The following TUSC3 variants were observed in gnomAD, a reference collection of about 807,000 sequenced individuals.
The protein encoded by TUSC3 is tumor suppressor candidate 3.
In TUSC3, 45 loss-of-function variants were observed where a neutral mutation model predicts 44.8. The ratio of observed to expected loss-of-function variants is 1.00; its 90% CI spans 0.79 to 1.29. The LOEUF is 1.29. Ranked by LOEUF, TUSC3 falls within the 50% of genes most tolerant of loss-of-function variation. The pLI, the probability that TUSC3 is intolerant of heterozygous loss-of-function variation, is 0.00. For missense variants in TUSC3, 519 were observed against 437.9 expected (o/e 1.19, Z -1.65); for synonymous variants, 212 against 152.9 (o/e 1.39, Z -2.85).
intron 2 of TUSC3, among the ~76,000 whole-genome samples, chr8:15,630,837 A>C (rs943510181): frequency 5.3e-5 from 8 of 152,182 alleles, no homozygotes; most frequent in Non-Finnish European, 1.0e-4. Flanking sequence ...AATCACGTGG[A>C]AAAGAGCCTA....
chr8:15,759,163 T>A (rs1011881966), intron 10 of TUSC3, among the ~76,000 whole-genome samples: 2 of 152,190 alleles, frequency 1.3e-5, no homozygotes, highest in Non-Finnish European at 2.9e-5. Context: ...ATTCAACCAC[T>A]GGCCTATCTG....
upstream of TUSC3, among the ~76,000 whole-genome samples, chr8:15,539,326 A>G (rs1300968760): frequency 2.7e-5 from 4 of 145,848 alleles, no homozygotes; most frequent in Non-Finnish European, 4.5e-5. Context: ...CGTTCAACAT[A>G]CAGTCTGCTG....
chr8:15,745,409 A>G (rs1389202159), intron 8 of TUSC3, among the ~76,000 whole-genome samples: 1 of 151,988 alleles, frequency 6.6e-6, no homozygotes, highest in Non-Finnish European at 1.5e-5. Context: ...AGCTGCTCTA[A>G]TTTACATTCC....
chr8:15,753,765 T>C (rs565978689), intron 9 of TUSC3, among the ~76,000 whole-genome samples: 2 of 152,098 alleles, frequency 1.3e-5, no homozygotes, highest in South Asian at 2.1e-4. Flanking sequence ...TGCAGAGATA[T>C]ATAGCAGAGA....
intron 2 of TUSC3, among the ~76,000 whole-genome samples, chr8:15,531,007 G>C (rs569950211): frequency 1.4e-4 from 21 of 152,262 alleles, no homozygotes; most frequent in African/African-American, 5.1e-4. Context: ...GAAAAGGGAA[G>C]AAAGCCTCAG....
intron 1 of TUSC3, among the ~76,000 whole-genome samples, chr8:15,572,737 C>G (rs1802925275): frequency 6.6e-6 from 1 of 151,992 alleles, no homozygotes; most frequent in Non-Finnish European, 1.5e-5. Context: ...ATTCATTGGC[C>G]TAATTTCAAT....
the TUSC3 span, among the ~76,000 whole-genome samples, chr8:15,827,303 G>T: frequency 6.6e-6 from 1 of 152,144 alleles, no homozygotes; most frequent in Non-Finnish European, 1.5e-5. Context: ...GAGCAGTAAC[G>T]GCTGAAGACA....
At chr8:15,828,796 A>C in the TUSC3 span, among the ~76,000 whole-genome samples, 2 of 152,336 alleles carry the variant, frequency 1.3e-5, no homozygotes, top group Admixed American at 1.3e-4. Context: ...GCTATCTAAC[A>C]AACTCTCTAA....
At chr8:15,466,491 AT>A (rs1328044900) in intron 1 of TUSC3, among the ~76,000 whole-genome samples, 2 of 152,170 alleles carry the variant, frequency 1.3e-5, no homozygotes, top group Non-Finnish European at 2.9e-5. Context: ...AAAATTAGAA[AT>A]AGTTCTTAGC....
intron 1 of TUSC3, among the ~76,000 whole-genome samples, chr8:15,471,801 A>G (rs1800497470): frequency 6.6e-6 from 1 of 152,026 alleles, no homozygotes; most frequent in Non-Finnish European, 1.5e-5. Context: ...TATTTTAAGT[A>G]GAGACAGGGT....
chr8:15,463,990 G>A (rs1800382751), intron 1 of TUSC3, among the ~76,000 whole-genome samples: 1 of 152,074 alleles, frequency 6.6e-6, no homozygotes, highest in Non-Finnish European at 1.5e-5. Context: ...AGAAACTTTT[G>A]GACTTAGGAA....
intron 2 of TUSC3, among the ~76,000 whole-genome samples, chr8:15,495,272 A>C (rs769521775): frequency 7.2e-5 from 11 of 152,266 alleles, no homozygotes; most frequent in Admixed American, 2.0e-4. Flanking sequence ...TCTTGGCTGG[A>C]GTAGAAAGGA....
chr8:15,473,234 T>G (rs1800520180), intron 1 of TUSC3, among the ~76,000 whole-genome samples: 1 of 152,224 alleles, frequency 6.6e-6, no homozygotes, highest in Non-Finnish European at 1.5e-5. Flanking sequence ...TTTGCAAGCT[T>G]TCTAGCATAA....
Position 15,717,174 on chromosome 8 carries a change from A to C in TUSC3, c.799-13492A>C, listed in dbSNP as rs181011561. Among the ~76,000 whole-genome samples, 26 of 152,286 alleles carry C rather than the reference A, an allele frequency of 1.7e-4. No homozygotes were observed. The East Asian group carries it at 3.9e-3, about 23-fold the overall frequency. ...TGTTATAGATAGTAAGTATTGGAAT[A>C]GTTTAATAGCAATAAATATTATCCT... On this transcript the variant is annotated intron_variant, in intron 6 of 10. Transcript: ENST00000503731.
chr8:15,615,891 G>A (rs1563135292), intron 1 of TUSC3, among the ~76,000 whole-genome samples: 2 of 152,162 alleles, frequency 1.3e-5, no homozygotes, highest in Non-Finnish European at 2.9e-5. Context: ...TAGATAGAAG[G>A]AATAAGTTCC....
intron 9 of TUSC3, among the ~76,000 whole-genome samples, chr8:15,755,945 C>T (rs1005447592): frequency 2.0e-5 from 3 of 152,090 alleles, no homozygotes; most frequent in African/African-American, 7.2e-5. Context: ...ACAAAAGTTT[C>T]CTTTAGAAGA....
intron 1 of TUSC3, among the ~76,000 whole-genome samples, chr8:15,453,784 A>G (rs1442012309): frequency 6.6e-6 from 1 of 152,140 alleles, no homozygotes; most frequent in Non-Finnish European, 1.5e-5. Context: ...ACCCACAACC[A>G]GGAATGTCAG....
chr8:15,851,449 A>C, the TUSC3 span, among the ~76,000 whole-genome samples: 1 of 152,228 alleles, frequency 6.6e-6, no homozygotes, highest in Non-Finnish European at 1.5e-5. Flanking sequence ...TGAATTATTT[A>C]TATGCATTAC....
intron 1 of TUSC3, among the ~76,000 whole-genome samples, chr8:15,461,745 GA>G (rs1049517058): frequency 2.3e-5 from 3 of 131,036 alleles, no homozygotes; most frequent in Admixed American, 7.5e-5. Flanking sequence ...AATCATAAAG[GA>G]AAAAAAAAGA....
Sources: allele counts gnomAD v4.1 joint callset (sites outside exome capture counted in the v4.1 genomes callset), GRCh38; gene constraint gnomAD v4.1.1; transcripts MANE v1.5; gene names NCBI Gene and HGNC (gene_info 2026-07-23, HGNC 2026-07-21).